PLXNB3: variants seen among roughly 807,000 people sequenced by gnomAD.
The protein encoded by PLXNB3 is plexin-B3.
A neutral mutation model predicts 125.7 loss-of-function variants in PLXNB3; 80 were observed. The observed-to-expected ratio is 0.64, with a 90% CI of 0.53 to 0.77. The LOEUF (loss-of-function observed/expected upper bound fraction) is 0.77, where lower values mean the gene tolerates loss of function less well. PLXNB3 is among the 30% of genes least tolerant of loss of function. The pLI, the probability that PLXNB3 is intolerant of heterozygous loss-of-function variation, is 0.00. For missense variants in PLXNB3, 1,836 were observed against 1,729.3 expected (o/e 1.06, Z -1.09); for synonymous variants, 954 against 783.3 (o/e 1.22, Z -3.64).
chrX:153,769,993 C>G, intron 7 of PLXNB3, 54 bp downstream of exon 7: 8 of 1,189,553 alleles, frequency 6.7e-6, no homozygotes, highest in Non-Finnish European at 9.1e-6. Flanking sequence ...CTGCCTGGAG[C>G]ATGAACCCCG....
rs781989798 is a variant in PLXNB3 at position 153,768,968 on chromosome X, G to A, written c.1287G>A (p.Gln429=). The change falls in exon 5 of 36, where the codon CAG becomes CAA. Residue 429 remains glutamine, a synonymous_variant. Transcript: ENST00000361971. ...QLYKVFLHGS[Q]GQVYHSQQVG... is the part of the protein sequence containing the mutation. ...CTCAGGTCTTTCTCCACGGCTCCCA[G>A]GGCCAGGTTTACCACTCCCAGCAAG... 6 of 1,211,622 alleles carry A rather than the reference G, an allele frequency of 5.0e-6. No homozygotes were observed. The South Asian group carries it at 7.0e-5, about 14-fold the overall frequency.
intron 4 of PLXNB3, 61 bp downstream of exon 4, chrX:153,768,489 C>G: frequency 9.7e-7 from 1 of 1,026,872 alleles, no homozygotes; most frequent in Non-Finnish European, 1.3e-6. Flanking sequence ...CTCAGGAAAG[C>G]CCCCAGCAAC....
At chrX:153,772,760 T>C (rs1485383024) in intron 16 of PLXNB3, 126 bp from the exon 17 acceptor site, 13 of 1,038,189 alleles carry the variant, frequency 1.3e-5, no homozygotes, top group Non-Finnish European at 1.3e-5. Context: ...GTGGTCCACT[T>C]TGGCCCCAGG....
intron 2 of PLXNB3, chrX:153,766,034 C>A: frequency 1.9e-6 from 2 of 1,049,677 alleles, no homozygotes; most frequent in Middle Eastern, 7.7e-4. Flanking sequence ...CTGGGACACT[C>A]CTACACTGAG....
chrX:153,771,870 C>A lies in PLXNB3; in HGVS notation c.2524C>A (p.Pro842Thr). The A allele has an allele frequency of 3.3e-6, 4 of 1,207,696 alleles. No homozygotes were observed. Among genetic ancestry groups the A allele is most frequent in the Non-Finnish European group, 3.4e-6 (3 of 894,480 alleles). ...CPAPSIDAVE[P>T]LTGPPEGGLA... ...CATCATTTGCCTGCTGCAGGTCGAG[C>A]CCCTGACCGGTCCCCCTGAGGGAGG... Residue 842 changes from proline (P) to threonine (T), a missense_variant, in exon 15 of 36, where the codon CCC becomes ACC. Pro to Thr is a conservative substitution (Grantham distance 38). Coordinates refer to ENST00000361971, the MANE Select transcript of PLXNB3 (RefSeq NM_005393.3).
At position 153,767,257 on chromosome X, in the gene PLXNB3, C is replaced by A. The variant is rs375561432; in HGVS notation, c.430C>A (p.Arg144Ser). The A allele has an allele frequency of 2.5e-6, 3 of 1,205,267 alleles. No homozygotes were observed. The highest frequency in any genetic ancestry group is 2.2e-6 in the Non-Finnish European group (2 of 892,630). ...QVRQGVCETR[R>S]LGDVAEVLYQ... is the part of the protein sequence containing the mutation. Reference sequence around the variant, plus strand: ...GCGGCAGGGCGTGTGTGAGACACGGCGCCTTGGGGATGTGGCCGAGGTGCT... The same window carrying A: ...GCGGCAGGGCGTGTGTGAGACACGGAGCCTTGGGGATGTGGCCGAGGTGCT... The change falls in exon 3 of 36, where the codon CGC becomes AGC. Residue 144 changes from arginine to serine, a missense_variant. Coordinates refer to ENST00000361971, the MANE Select transcript of PLXNB3 (RefSeq NM_005393.3).
Position 153,767,815 on chromosome X carries a change from C to G in PLXNB3, c.988C>G (p.Arg330Gly). 1 of 1,160,982 alleles carries G rather than the reference C, an allele frequency of 8.6e-7. No individual in the cohort carries two copies. Among genetic ancestry groups the G allele is most frequent in the Non-Finnish European group, 1.1e-6 (1 of 870,413 alleles). ...VELGASMEQA[R>G]RLCYTAGGRG... is the part of the protein sequence containing the mutation. ...GCTGGGTGCCAGCATGGAGCAGGCC[C>G]GGAGACTCTGCTACACGGCGGGCGG... is the stretch of plus-strand genomic sequence containing the variant. Residue 330 changes from arginine to glycine, a missense_variant, in exon 3 of 36, where the codon CGG becomes GGG. By Grantham distance (125) the Arg-to-Gly change is moderately radical. Coordinates refer to ENST00000361971, the MANE Select transcript of PLXNB3 (RefSeq NM_005393.3).
intron 16 of PLXNB3, 134 bp downstream of exon 16, chrX:153,772,421 C>T: frequency 1.9e-6 from 1 of 524,602 alleles, no homozygotes. Flanking sequence ...GGAGGGAAGC[C>T]ATGGCATGTG....
intron 6 of PLXNB3, 52 bp from the exon 7 acceptor site, chrX:153,769,755 A>AGAC: frequency 8.7e-7 from 1 of 1,152,161 alleles, no homozygotes; most frequent in East Asian, 3.1e-5. Context: ...GTTGCCGGTC[A>AGAC]TCCTTGGAGT....
rs781947977 is a variant in PLXNB3, at chrX:153,772,957, T to A, written c.2847T>A (p.Gly949=). ...GGGGCACCCAGCTCACCATCCGAGG[T>A]CAGCACCTCCAGACAGGTGGCAACA... ...QAGGTQLTIR[G]QHLQTGGNTS... is the part of the protein sequence containing the mutation. The change falls in exon 17 of 36, where the codon GGT becomes GGA. Residue 949 remains glycine, a synonymous_variant. Transcript: ENST00000361971. 7 of 1,196,467 alleles carry A rather than the reference T, an allele frequency of 5.9e-6. No homozygotes were observed. The East Asian group carries it at 2.1e-4, about 36-fold the overall frequency.
Position 153,772,241 on chromosome X carries a change from T to C in PLXNB3, c.2729T>C (p.Ile910Thr). The change falls in exon 16 of 36, where the codon ATT becomes ACT. Residue 910 changes from isoleucine (I) to threonine (T), a missense_variant. By Grantham distance (89) the Ile-to-Thr change is moderately conservative (BLOSUM62 -1). Transcript: ENST00000361971. The part of the protein sequence containing the change: ...NGTTGPVRVA[I>T]KSQPPGISSQ... ...ACCACTGGGCCCGTCCGGGTGGCCA[T>C]TAAGAGCCAGCCACCAGGCATCTCA... 1 of 1,205,702 alleles carries C rather than the reference T, an allele frequency of 8.3e-7. No individual in the cohort carries two copies. The highest frequency in any genetic ancestry group is 1.1e-6 in the Non-Finnish European group (1 of 893,618).
intron 27 of PLXNB3, 35 bp from the exon 28 acceptor site, chrX:153,776,321 G>C: frequency 9.1e-7 from 1 of 1,103,721 alleles, no homozygotes; most frequent in Non-Finnish European, 1.2e-6. Context: ...GTGGAGAGCA[G>C]GCTGTAGACT....
At position 153,767,475 on chromosome X, in the gene PLXNB3, C is replaced by A; in HGVS notation, c.648C>A (p.Ser216Arg). The A allele has an allele frequency of 8.4e-7, 1 of 1,194,344 alleles. No homozygotes were observed. Among genetic ancestry groups the A allele is most frequent in the Non-Finnish European group, 1.1e-6 (1 of 886,205 alleles). Residue 216 changes from serine to arginine, a missense_variant, in exon 3 of 36, where the codon AGC becomes AGA. By Grantham distance (110) the Ser-to-Arg change is moderately radical. Coordinates refer to ENST00000361971, the MANE Select transcript of PLXNB3 (RefSeq NM_005393.3). The stretch of plus-strand genomic sequence containing the variant: ...TGGCCGGGTCTCAGCCCTTCTCCAG[C>A]GAGGGCCTGGGCCGCCTGGTGGTGG... ...RQLAGSQPFS[S>R]EGLGRLVVGD... is the part of the protein sequence containing the mutation.
chrX:153,779,328 G>A lies in PLXNB3; in HGVS notation c.*289G>A, dbSNP rs1347985810. 3 of 225,105 alleles carry A rather than the reference G, an allele frequency of 1.3e-5. No individual in the cohort carries two copies. Among genetic ancestry groups the A allele is most frequent in the Non-Finnish European group, 2.4e-5 (3 of 125,519 alleles). The allele number at this position is 225,105 out of a possible 1,213,427, so 18.6% of individuals were successfully genotyped here. ...ACATCCGGAAATAAAATAGAAATAT[G>A]TCTTTTTATTTTATTTTGAGACGGA... On this transcript the variant is annotated 3_prime_UTR_variant, in exon 36 of 36. Transcript: ENST00000361971.
chrX:153,771,941 C>G lies in PLXNB3; in HGVS notation c.2595C>G (p.Ala865=). The G allele has an allele frequency of 8.3e-7, 1 of 1,209,632 alleles. No individual in the cohort carries two copies. Residue 865 remains alanine, a synonymous_variant, in exon 15 of 36, where the codon GCC becomes GCG. Coordinates refer to ENST00000361971, the MANE Select transcript of PLXNB3 (RefSeq NM_005393.3). ...GCTCCAACCTGGGCCGGGCCTTCGCCGATGTGCAGTACGCCGTGAGCGTGG... is the reference window on the plus strand; with the variant it reads ...GCTCCAACCTGGGCCGGGCCTTCGCGGATGTGCAGTACGCCGTGAGCGTGG... ...ILGSNLGRAF[A]DVQYAVSVAS...
chrX:153,775,492 G>A (rs782567615), intron 25 of PLXNB3, 89 bp downstream of exon 25: 869 of 1,133,403 alleles, frequency 7.7e-4, no homozygotes, highest in Admixed American at 1.0e-3. Flanking sequence ...GTCCAGGGGC[G>A]GGTGGGGCCA....
rs782607709 is a variant in PLXNB3, at chrX:153,770,083, G to T, written c.1630-9G>T. 6.0e-5 allele frequency: 73 copies of T among 1,208,391 alleles called. No homozygotes were observed. In the South Asian group the frequency reaches 1.3e-3, roughly 21 times the overall value. On this transcript the variant is annotated splice_polypyrimidine_tract_variant and intron_variant, in intron 7 of 35. Coordinates refer to ENST00000361971, the MANE Select transcript of PLXNB3 (RefSeq NM_005393.3). Reference sequence around the variant, plus strand: ...CTACATCTCCCGGTTTCTCCCCGCTGCATCCCAGGTCACTTTGTCTGTCCC... The same window carrying T: ...CTACATCTCCCGGTTTCTCCCCGCTTCATCCCAGGTCACTTTGTCTGTCCC...
At position 153,771,156 on chromosome X, in the gene PLXNB3, A is replaced by G. The variant is rs183240302; in HGVS notation, c.2253+75A>G. The G allele has an allele frequency of 1.8e-4, 182 of 993,758 alleles. No individual in the cohort carries two copies. In the East Asian group the frequency reaches 5.5e-3, roughly 30 times the overall value. 81.9% of individuals were successfully genotyped at this position (993,758 alleles called of 1,213,427 possible). A position where few individuals can be genotyped will look rare whatever the true frequency, so the allele number is the denominator to read the frequency against. ...TCAGGGGTCTGCCATCTTTGTGGAG[A>G]GCCTGCTTGGGGCCCATAACCTCTG... On this transcript the variant is annotated intron_variant, in intron 12 of 35. Transcript: ENST00000361971.
chrX:153,769,508 CCA>C, intron 6 of PLXNB3, among the ~76,000 whole-genome samples: 1 of 112,620 alleles, frequency 8.9e-6, no homozygotes, highest in Non-Finnish European at 1.9e-5. Context: ...GTCCAGAACC[CCA>C]CACAGCTGTC....
Sources: gnomAD v4.1 joint callset for allele counts (sites outside exome capture counted in the v4.1 genomes callset) on GRCh38, gnomAD v4.1.1 for gene constraint, MANE v1.5 for transcripts, NCBI Gene and HGNC (gene_info 2026-07-23, HGNC 2026-07-21) for gene names.